The following RANGAP1 variants were observed in gnomAD, a reference collection of about 807,000 sequenced individuals.
The protein encoded by RANGAP1 is Ran GTPase activating protein 1.
A neutral mutation model predicts 63.5 loss-of-function variants in RANGAP1; 38 were observed. That is an observed-to-expected ratio of 0.60 (90% CI 0.46 to 0.78). The LOEUF is 0.78. Among genes scored for constraint, RANGAP1 ranks in the 30% least tolerant of loss-of-function variants. The probability of loss-of-function intolerance (pLI) is 0.00; values close to 1 mark genes in which losing one functional copy is unlikely to be tolerated. For missense variants in RANGAP1, 630 were observed against 740.3 expected, an observed-to-expected ratio of 0.85 and a Z score of 1.73; for synonymous variants, 329 against 310.5, an observed-to-expected ratio of 1.06 and a Z score of -0.63.
chr22:41,274,249 GGTCT>G (rs893335680), intron 3 of RANGAP1, among the ~76,000 whole-genome samples: 1 of 152,170 alleles, frequency 6.6e-6, no homozygotes, highest in African/African-American at 2.4e-5. Context: ...CCAGAGGGTG[GGTCT>G]GTCAGAGCAG....
chr22:41,290,065 A>C (rs550800825), upstream of RANGAP1, among the ~76,000 whole-genome samples: 6 of 151,856 alleles, frequency 4.0e-5, no homozygotes, highest in South Asian at 1.3e-3. Context: ...CCTTGAGCCC[A>C]GAACGTGGAG....
chr22:41,265,910 T>G (rs1212616230), intron 4 of RANGAP1, among the ~76,000 whole-genome samples: 1 of 152,180 alleles, frequency 6.6e-6, no homozygotes, highest in Non-Finnish European at 1.5e-5. Flanking sequence ...ACAGAAAGCC[T>G]AGCCCCTGGT....
intron 15 of RANGAP1, 75 bp from the exon 16 acceptor site, chr22:41,246,747 GC>G: frequency 7.4e-7 from 1 of 1,345,176 alleles, no homozygotes; most frequent in Non-Finnish European, 1.0e-6. Context: ...CCATTTTGGT[GC>G]CAGACTCATT....
chr22:41,279,104 G>C (rs5996011), intron 2 of RANGAP1, among the ~76,000 whole-genome samples: 2 of 152,090 alleles, frequency 1.3e-5, no homozygotes, highest in East Asian at 3.9e-4. Context: ...CATCATGCCA[G>C]TGCACTCCAG....
At chr22:41,279,148 AAAT>A (rs1031385158) in intron 2 of RANGAP1, among the ~76,000 whole-genome samples, 1 of 151,504 alleles carries the variant, frequency 6.6e-6, no homozygotes, top group African/African-American at 2.4e-5. Context: ...GTCTCAAAAA[AAAT>A]AATAATAATA....
chr22:41,254,394 C>G lies in RANGAP1; in HGVS notation c.1174G>C (p.Glu392Gln), dbSNP rs1306539976. 2 of 1,613,868 alleles carry G rather than the reference C, an allele frequency of 1.2e-6. No individual in the cohort carries two copies. Among genetic ancestry groups the G allele is most frequent in the Non-Finnish European group, 1.7e-6 (2 of 1,179,852 alleles). The change falls in exon 11 of 16, where the codon GAG (glutamate) becomes CAG (glutamine). Residue 392 changes from glutamate (E) to glutamine (Q), a missense_variant. Coordinates refer to ENST00000356244, the MANE Select transcript of RANGAP1 (RefSeq NM_002883.4). ...TGCTGAGGCTCTTCTTCCTCCTCCT[C>G]CTCCTCTTCTTCCTCCTCTTCCTCA... ...EDEEEEEEEE[E>Q]EEEEEPQQRG...
chr22:41,262,306 T>A (rs919098880), intron 5 of RANGAP1, among the ~76,000 whole-genome samples: 2 of 152,026 alleles, frequency 1.3e-5, no homozygotes, highest in South Asian at 2.1e-4. Context: ...TCAGAGCCCA[T>A]GGTAAATGCG....
chr22:41,261,179 G>C (rs1294670525), intron 6 of RANGAP1, among the ~76,000 whole-genome samples: 1 of 152,244 alleles, frequency 6.6e-6, no homozygotes, highest in Non-Finnish European at 1.5e-5. Context: ...CTTGGTCAGA[G>C]TGGCCTGCCT....
chr22:41,268,037 C>T, intron 4 of RANGAP1, 60 bp downstream of exon 4: 1 of 1,432,062 alleles, frequency 7.0e-7, no homozygotes, highest in East Asian at 2.5e-5. Flanking sequence ...ATGAGAAAAG[C>T]CCTGGGAATT....
the RANGAP1 span, among the ~76,000 whole-genome samples, chr22:41,297,527 TC>T: frequency 6.6e-6 from 1 of 151,462 alleles, no homozygotes; most frequent in African/African-American, 2.4e-5. Context: ...TTTTTTTTTT[TC>T]AAGACAACCT....
chr22:41,254,401 TTCTTCCTCC>T lies in RANGAP1; in HGVS notation c.1158_1166del (p.Glu395_Glu397del), dbSNP rs1354485664. The T allele has an allele frequency of 2.2e-5, 36 of 1,611,474 alleles. No homozygotes were observed. The highest frequency in any genetic ancestry group is 2.8e-5 in the Non-Finnish European group (33 of 1,178,046). On this transcript the variant is annotated inframe_deletion, in exon 11 of 16. Coordinates refer to ENST00000356244, the MANE Select transcript of RANGAP1 (RefSeq NM_002883.4). ...GCTCTTCTTCCTCCTCCTCCTCCTC[TTCTTCCTCC>T]TCTTCCTCATCTTCCTCCTCCTCTT...
chr22:41,247,851 C>T (rs1374617716), intron 15 of RANGAP1, among the ~76,000 whole-genome samples: 4 of 152,202 alleles, frequency 2.6e-5, no homozygotes, highest in Non-Finnish European at 5.9e-5. Flanking sequence ...GAAGAGGGTC[C>T]GTGCATGTCA....
chr22:41,278,766 C>T (rs906951252), intron 2 of RANGAP1, among the ~76,000 whole-genome samples: 2 of 152,194 alleles, frequency 1.3e-5, no homozygotes, highest in Non-Finnish European at 2.9e-5. Flanking sequence ...TAAACGAGGT[C>T]AAAGTGGGCG....
intron 3 of RANGAP1, among the ~76,000 whole-genome samples, chr22:41,270,949 G>C (rs970108684): frequency 6.6e-6 from 1 of 152,106 alleles, no homozygotes; most frequent in Non-Finnish European, 1.5e-5. Context: ...TGAACAGTCA[G>C]CATAGGACTC....
chr22:41,250,320 C>T (rs150943992), intron 13 of RANGAP1, among the ~76,000 whole-genome samples: 8 of 152,370 alleles, frequency 5.3e-5, no homozygotes, highest in Non-Finnish European at 8.8e-5. Context: ...GAGCCGCCCT[C>T]CCCGCTTCGA....
At chr22:41,250,331 C>T (rs979103289) in intron 13 of RANGAP1, among the ~76,000 whole-genome samples, 10 of 152,234 alleles carry the variant, frequency 6.6e-5, no homozygotes, top group Non-Finnish European at 7.3e-5. Context: ...CCCGCTTCGA[C>T]GCCACGCCGG....
chr22:41,277,996 A>G (rs2035256415), intron 2 of RANGAP1, among the ~76,000 whole-genome samples: 1 of 151,966 alleles, frequency 6.6e-6, no homozygotes, highest in South Asian at 2.1e-4. Flanking sequence ...CTGGGAGAGT[A>G]AAGAAGTTAA....
chr22:41,258,224 G>T (rs1055051154), intron 6 of RANGAP1, 118 bp from the exon 7 acceptor site: 8 of 1,169,428 alleles, frequency 6.8e-6, no homozygotes, highest in South Asian at 1.8e-5. Context: ...CAGGGCAGGG[G>T]CCTGTCTGTG....
At chr22:41,297,568 T>G in the RANGAP1 span, among the ~76,000 whole-genome samples, 2 of 150,602 alleles carry the variant, frequency 1.3e-5, no homozygotes, top group Non-Finnish European at 3.0e-5. Context: ...TGGAGTGCAG[T>G]GATGAAGCCA....
Sources: allele counts gnomAD v4.1 joint callset (sites outside exome capture counted in the v4.1 genomes callset), GRCh38; gene constraint gnomAD v4.1.1; transcripts MANE v1.5; gene names NCBI Gene and HGNC (gene_info 2026-07-23, HGNC 2026-07-21).